The following SGCD variants were observed in gnomAD, a reference collection of about 807,000 sequenced individuals.
SGCD encodes sarcoglycan delta.
Under a neutral mutation model 36.6 loss-of-function variants are expected in SGCD, and 18 were observed. The ratio of observed to expected loss-of-function variants is 0.49; its 90% CI spans 0.34 to 0.73. The LOEUF is 0.73. Ranked by LOEUF, SGCD falls within the 30% of genes least tolerant of loss-of-function variation. The pLI is 0.01. For synonymous variants in SGCD, 133 were observed against 130.6 expected (o/e 1.02, Z -0.12); for missense variants, 387 against 346.7 (o/e 1.12, Z -0.92).
the SGCD span, among the ~76,000 whole-genome samples, chr5:155,773,299 A>G: frequency 6.6e-4 from 101 of 152,262 alleles, 1 homozygote; most frequent in South Asian, 4.6e-3. Context: ...TGTTAATTGG[A>G]CTTTGTAAAC....
intron 3 of SGCD, among the ~76,000 whole-genome samples, chr5:156,160,550 C>G (rs758220226): frequency 1.3e-5 from 2 of 151,558 alleles, no homozygotes; most frequent in African/African-American, 4.9e-5. Context: ...GAGGGTATCT[C>G]TTATTATAAG....
intron 7 of SGCD, among the ~76,000 whole-genome samples, chr5:156,686,663 T>C (rs1753916441): frequency 6.6e-6 from 1 of 152,234 alleles, no homozygotes; most frequent in South Asian, 2.1e-4. Context: ...AAGCAGCAGC[T>C]GATTATTAAA....
At chr5:155,734,108 T>C in the SGCD span, among the ~76,000 whole-genome samples, 6 of 147,562 alleles carry the variant, frequency 4.1e-5, no homozygotes, top group Non-Finnish European at 4.5e-5. Context: ...TTATTAATTA[T>C]ATTAATTAAT....
the SGCD span, among the ~76,000 whole-genome samples, chr5:155,774,403 C>T: frequency 6.6e-6 from 1 of 152,146 alleles, no homozygotes; most frequent in East Asian, 1.9e-4. Context: ...TGGTTTCCTA[C>T]TGTTGCTGTA....
intron 3 of SGCD, among the ~76,000 whole-genome samples, chr5:156,352,911 C>T (rs911108862): frequency 6.6e-6 from 1 of 152,188 alleles, no homozygotes; most frequent in African/African-American, 2.4e-5. Context: ...CAATGCTGCC[C>T]ATTTTCCAAG....
intron 4 of SGCD, among the ~76,000 whole-genome samples, chr5:156,579,084 T>G (rs1237783335): frequency 6.6e-6 from 1 of 152,222 alleles, no homozygotes; most frequent in East Asian, 1.9e-4. Context: ...TTGCTTTAAA[T>G]GTGTCCCAGA....
intron 6 of SGCD, among the ~76,000 whole-genome samples, chr5:156,610,702 T>C (rs1761753480): frequency 6.6e-6 from 1 of 152,234 alleles, no homozygotes; most frequent in African/African-American, 2.4e-5. Context: ...AGTTCAAGCT[T>C]CCTGGCCACT....
the SGCD span, among the ~76,000 whole-genome samples, chr5:155,728,271 GGCCGCTGCT>G: frequency 1.6e-4 from 24 of 152,170 alleles, no homozygotes; most frequent in South Asian, 6.2e-4. Flanking sequence ...GGGAGGTGGC[GGCCGCTGCT>G]GCCGCTGCTG....
chr5:156,646,533 A>T (rs890596748), intron 6 of SGCD, among the ~76,000 whole-genome samples: 6 of 152,332 alleles, frequency 3.9e-5, no homozygotes, highest in Middle Eastern at 3.4e-3. Context: ...TTTGTTGAAT[A>T]TAATGGAGCA....
intron 4 of SGCD, among the ~76,000 whole-genome samples, chr5:156,515,469 G>A (rs1277472698): frequency 6.6e-6 from 1 of 152,116 alleles, no homozygotes; most frequent in Non-Finnish European, 1.5e-5. Flanking sequence ...TTCTCTCACT[G>A]GGACTGATGA....
At chr5:156,041,658 G>C (rs145020989) in intron 1 of SGCD, among the ~76,000 whole-genome samples, 1 of 152,296 alleles carries the variant, frequency 6.6e-6, no homozygotes, top group East Asian at 1.9e-4. Context: ...ATACACACTT[G>C]AAGAGAGAGT....
At chr5:156,628,389 G>C (rs970506730) in intron 6 of SGCD, among the ~76,000 whole-genome samples, 1 of 152,122 alleles carries the variant, frequency 6.6e-6, no homozygotes, top group African/African-American at 2.4e-5. Context: ...AATACCTTGA[G>C]AATTTAAGAT....
In SGCD at chr5:156,057,150, T is replaced by C. The variant is rs1760084790; in HGVS notation, c.-281-60728T>C. ...AGTAGTTAATGACATAGGAAAATAT[T>C]CACTATGTAAAATTATGTAGAAATA... On this transcript the variant is annotated intron_variant, in intron 1 of 9. Transcript: ENST00000517913. Among the ~76,000 whole-genome samples, 2 of 146,712 alleles carry C rather than the reference T, an allele frequency of 1.4e-5. 1 individual carries two copies. The highest frequency in any genetic ancestry group is 7.3e-3 in the Middle Eastern group (2 of 274).
chr5:156,140,670 G>A (rs1762558722), intron 3 of SGCD, among the ~76,000 whole-genome samples: 1 of 152,104 alleles, frequency 6.6e-6, no homozygotes, highest in Non-Finnish European at 1.5e-5. Context: ...TAGAAAAAAT[G>A]AGTTAAAGAC....
chr5:155,835,002 A>ATTTTTTTTTTTTTTTTT, the SGCD span, among the ~76,000 whole-genome samples: 1,574 of 60,126 alleles, frequency 0.026, 301 homozygotes, highest in Non-Finnish European at 0.039. Context: ...TGCCCAGCTA[A>ATTTTTTTTTTTTTTTTT]TTTTTTTTTT....
At chr5:155,908,885 A>G (rs561981453) in intron 1 of SGCD, among the ~76,000 whole-genome samples, 3 of 152,246 alleles carry the variant, frequency 2.0e-5, no homozygotes, top group East Asian at 1.9e-4. Flanking sequence ...TCTACCTTGC[A>G]CCATAGTAGG....
Position 156,742,337 on chromosome 5 carries a change from T to TA in SGCD, c.576-15244_576-15243insA, listed in dbSNP as rs529164041. ...ACTCAAACATCTTCAAGTCGACATATTTCAAACAAACTCATGATGTTCTAT... is the reference window on the plus strand; with the variant it reads ...ACTCAAACATCTTCAAGTCGACATATATTCAAACAAACTCATGATGTTCTAT... On this transcript the variant is annotated intron_variant, in intron 7 of 8. Transcript: ENST00000337851. 6.8e-3 allele frequency among the ~76,000 whole-genome samples: 1,032 copies of TA among 152,262 alleles called. 5 individuals carry two copies. Among genetic ancestry groups the TA allele is most frequent in the Non-Finnish European group, 0.012 (787 of 68,028 alleles).
intron 1 of SGCD, among the ~76,000 whole-genome samples, chr5:155,899,513 T>C (rs1269053322): frequency 6.6e-6 from 1 of 152,204 alleles, no homozygotes. Context: ...GTCATGCACA[T>C]TAATTAACAC....
chr5:156,713,205 A>G (rs1271913872), intron 7 of SGCD, among the ~76,000 whole-genome samples: 1 of 152,192 alleles, frequency 6.6e-6, no homozygotes, highest in Non-Finnish European at 1.5e-5. Flanking sequence ...TTCCCTACCC[A>G]TCAGTGAATG....
Sources: allele counts gnomAD v4.1 joint callset (sites outside exome capture counted in the v4.1 genomes callset), GRCh38; gene constraint gnomAD v4.1.1; transcripts MANE v1.5; gene names NCBI Gene and HGNC (gene_info 2026-07-23, HGNC 2026-07-21).